The following SLC9C1 variants were observed in gnomAD, a reference collection of about 807,000 sequenced individuals.
The protein encoded by SLC9C1 is solute carrier family 9 member C1.
A neutral mutation model predicts 140.9 loss-of-function variants in SLC9C1; 97 were observed. That is an observed-to-expected ratio of 0.69 (90% CI 0.58 to 0.82). The LOEUF (loss-of-function observed/expected upper bound fraction) is 0.82, where lower values mean the gene tolerates loss of function less well. SLC9C1 is among the 40% of genes least tolerant of loss of function. The pLI is 0.00. For synonymous variants in SLC9C1, 440 were observed against 442.6 expected (o/e 0.99, Z 0.07); for missense variants, 1,340 against 1,389.3 (o/e 0.96, Z 0.56).
chr3:112,224,738 G>A (rs1309601939), intron 13 of SLC9C1, among the ~76,000 whole-genome samples: 1 of 151,034 alleles, frequency 6.6e-6, no homozygotes, highest in East Asian at 1.9e-4. Flanking sequence ...AAATAACCAT[G>A]TCAGACAAAA....
At chr3:112,272,851 T>G (rs1240359526) in intron 6 of SLC9C1, among the ~76,000 whole-genome samples, 1 of 152,150 alleles carries the variant, frequency 6.6e-6, no homozygotes, top group Non-Finnish European at 1.5e-5. Context: ...GAATAGAAAT[T>G]CTCACATAGT....
chr3:112,222,892 T>TA (rs2078580611), intron 13 of SLC9C1, among the ~76,000 whole-genome samples: 2 of 152,158 alleles, frequency 1.3e-5, no homozygotes, highest in Non-Finnish European at 2.9e-5. Flanking sequence ...TGTCTTCATA[T>TA]AAATGTATCA....
intron 1 of SLC9C1, among the ~76,000 whole-genome samples, chr3:112,292,404 A>G (rs2080709508): frequency 6.6e-6 from 1 of 152,192 alleles, no homozygotes; most frequent in Admixed American, 6.5e-5. Context: ...TGGCTTCCCC[A>G]ACCTCTACTC....
intron 4 of SLC9C1, among the ~76,000 whole-genome samples, chr3:112,278,332 C>T (rs986949992): frequency 2.0e-5 from 3 of 152,058 alleles, no homozygotes; most frequent in African/African-American, 4.8e-5. Flanking sequence ...CTTGTGTTTT[C>T]TTCTCTGCTT....
At chr3:112,288,839 C>T (rs1314467732) in intron 1 of SLC9C1, among the ~76,000 whole-genome samples, 1 of 152,086 alleles carries the variant, frequency 6.6e-6, no homozygotes, top group Non-Finnish European at 1.5e-5. Flanking sequence ...TTGAAAGACT[C>T]AGGGTAGCTT....
intron 16 of SLC9C1, 121 bp downstream of exon 16, chr3:112,208,057 G>A (rs2078104909): frequency 5.5e-6 from 4 of 723,902 alleles, no homozygotes; most frequent in South Asian, 5.6e-5. Flanking sequence ...GTTTGGAGAC[G>A]TGAGGAAGAA....
rs375850182 is a variant in SLC9C1 at position 112,246,359 on chromosome 3, T to C, written c.1198-2283A>G. 2.0e-5 allele frequency among the ~76,000 whole-genome samples: 3 copies of C among 152,294 alleles called. No homozygotes were observed. In the South Asian group the frequency reaches 6.2e-4, roughly 32 times the overall value. On this transcript the variant is annotated intron_variant, in intron 10 of 28. Coordinates refer to ENST00000305815, the MANE Select transcript of SLC9C1 (RefSeq NM_183061.3). ...TTTAAAGTTTCCTTCAGTTTTGAGA[T>C]ATCCATTAAAAACTATATTAAAAAA... is the stretch of plus-strand genomic sequence containing the variant.
At chr3:112,162,147 T>C (rs1248124512) in intron 26 of SLC9C1, among the ~76,000 whole-genome samples, 1 of 152,198 alleles carries the variant, frequency 6.6e-6, no homozygotes, top group Non-Finnish European at 1.5e-5. Context: ...CTGAAGTTGC[T>C]TATGAGCTTA....
intron 20 of SLC9C1, among the ~76,000 whole-genome samples, chr3:112,196,739 T>C (rs1408389541): frequency 2.0e-5 from 3 of 152,164 alleles, no homozygotes; most frequent in African/African-American, 7.2e-5. Context: ...GAATTTCTTT[T>C]TAGATTTTCT....
chr3:112,150,061 C>G (rs959250093), intron 28 of SLC9C1, among the ~76,000 whole-genome samples: 1 of 152,186 alleles, frequency 6.6e-6, no homozygotes, highest in African/African-American at 2.4e-5. Context: ...CCTCCTACCC[C>G]AGACTTGCAA....
intron 23 of SLC9C1, among the ~76,000 whole-genome samples, chr3:112,178,077 A>C (rs900432625): frequency 4.6e-5 from 7 of 151,728 alleles, no homozygotes; most frequent in African/African-American, 1.7e-4. Flanking sequence ...TTTGGTTATT[A>C]TATCTCTTAA....
At chr3:112,168,022 C>G (rs1414694372) in intron 25 of SLC9C1, among the ~76,000 whole-genome samples, 1 of 152,154 alleles carries the variant, frequency 6.6e-6, no homozygotes, top group Non-Finnish European at 1.5e-5. Context: ...CTTGGGATCC[C>G]TCCCATTCCC....
At chr3:112,178,180 C>A (rs2077375073) in intron 23 of SLC9C1, among the ~76,000 whole-genome samples, 1 of 151,614 alleles carries the variant, frequency 6.6e-6, no homozygotes, top group Non-Finnish European at 1.5e-5. Context: ...GGCTCTGTTA[C>A]CAGTCTGGAG....
At chr3:112,197,018 T>C (rs913833042) in intron 20 of SLC9C1, among the ~76,000 whole-genome samples, 4 of 152,124 alleles carry the variant, frequency 2.6e-5, no homozygotes, top group African/African-American at 9.7e-5. Flanking sequence ...AGACTCTCCC[T>C]TTTTCCCCAG....
chr3:112,288,020 G>T (rs1305712725), intron 1 of SLC9C1, among the ~76,000 whole-genome samples: 1 of 121,240 alleles, frequency 8.2e-6, no homozygotes, highest in Non-Finnish European at 1.6e-5. Flanking sequence ...TCCAGCTTGG[G>T]CCACAGAGCA....
At chr3:112,258,915 AGAGG>A (rs1194510477) in intron 10 of SLC9C1, among the ~76,000 whole-genome samples, 1 of 152,114 alleles carries the variant, frequency 6.6e-6, no homozygotes, top group Non-Finnish European at 1.5e-5. Context: ...AGCAGGAGAG[AGAGG>A]GAGTCAAAGG....
chr3:112,179,449 C>T, intron 23 of SLC9C1, 82 bp downstream of exon 23: 10 of 1,442,630 alleles, frequency 6.9e-6, no homozygotes, highest in Non-Finnish European at 9.3e-6. Flanking sequence ...AGACTGTAAA[C>T]TTATACTAAA....
At chr3:112,218,174 G>GTTTTTTTTT (rs61498352) in intron 14 of SLC9C1, among the ~76,000 whole-genome samples, 1 of 143,336 alleles carries the variant, frequency 7.0e-6, no homozygotes, top group Non-Finnish European at 1.5e-5. Flanking sequence ...TTTCTGCTAG[G>GTTTTTTTTT]TTTTTTTTTT....
chr3:112,229,969 A>G (rs2078778188), intron 13 of SLC9C1, among the ~76,000 whole-genome samples: 1 of 152,162 alleles, frequency 6.6e-6, no homozygotes, highest in African/African-American at 2.4e-5. Context: ...AGCAGATTAT[A>G]TATACTTTTG....
Sources: allele counts gnomAD v4.1 joint callset (sites outside exome capture counted in the v4.1 genomes callset), GRCh38; gene constraint gnomAD v4.1.1; transcripts MANE v1.5; gene names NCBI Gene and HGNC (gene_info 2026-07-23, HGNC 2026-07-21).